HBS1L: variants seen among roughly 807,000 people sequenced by gnomAD.
HBS1L encodes HBS1-like protein.
Under a neutral mutation model 88.9 loss-of-function variants are expected in HBS1L, and 55 were observed. The observed-to-expected ratio is 0.62, with a 90% CI of 0.50 to 0.77. HBS1L has a LOEUF of 0.77. Among genes scored for constraint, HBS1L ranks in the 30% least tolerant of loss-of-function variants. The probability of loss-of-function intolerance (pLI) is 0.00; values close to 1 mark genes in which losing one functional copy is unlikely to be tolerated. For synonymous variants in HBS1L, 267 were observed against 288.5 expected (o/e 0.93, Z 0.76); for missense variants, 741 against 829.3 (o/e 0.89, Z 1.31).
At chr6:134,999,879 T>C (rs1363053907) in intron 5 of HBS1L, among the ~76,000 whole-genome samples, 1 of 152,180 alleles carries the variant, frequency 6.6e-6, no homozygotes, top group African/African-American at 2.4e-5. Flanking sequence ...TTCTGCATAT[T>C]ATGAAATAAA....
At position 135,054,706 on chromosome 6, in the gene HBS1L, C is replaced by G. The variant is rs1209735508; in HGVS notation, c.-15G>C. Reference sequence around the variant, plus strand: ...TGCCGGGCCATGACGGCGGAGAGGGCGTTTGCCACAGCCCCTTAACTCCTT... The same window carrying G: ...TGCCGGGCCATGACGGCGGAGAGGGGGTTTGCCACAGCCCCTTAACTCCTT... On this transcript the variant is annotated 5_prime_UTR_variant, in exon 1 of 18. Transcript: ENST00000367837. The G allele has an allele frequency of 6.2e-7, 1 of 1,614,044 alleles. No homozygotes were observed. Among genetic ancestry groups the G allele is most frequent in the Non-Finnish European group, 8.5e-7 (1 of 1,180,030 alleles).
chr6:135,011,792 G>C (rs969221999), intron 4 of HBS1L, among the ~76,000 whole-genome samples: 2 of 151,640 alleles, frequency 1.3e-5, no homozygotes, highest in Admixed American at 6.6e-5. Context: ...TGTAATCTCA[G>C]CTACTCGGGA....
At chr6:135,053,646 C>A (rs1166640835) in intron 1 of HBS1L, among the ~76,000 whole-genome samples, 1 of 152,122 alleles carries the variant, frequency 6.6e-6, no homozygotes, top group African/African-American at 2.4e-5. Flanking sequence ...TGTTAGCTGC[C>A]CTCACTCTAG....
intron 4 of HBS1L, among the ~76,000 whole-genome samples, chr6:135,015,613 G>A (rs143622758): frequency 0.011 from 1,621 of 152,286 alleles, 24 homozygotes; most frequent in African/African-American, 0.037. Flanking sequence ...ACAGAGTCTC[G>A]TTCTGTTGCC....
intron 13 of HBS1L, among the ~76,000 whole-genome samples, chr6:134,981,779 AT>A (rs1030123023): frequency 5.9e-5 from 9 of 152,060 alleles, no homozygotes; most frequent in African/African-American, 1.9e-4. Context: ...AATCTGGAAA[AT>A]AATATACATG....
At chr6:135,013,964 C>A (rs143089916) in intron 4 of HBS1L, among the ~76,000 whole-genome samples, 4 of 152,104 alleles carry the variant, frequency 2.6e-5, no homozygotes, top group African/African-American at 9.6e-5. Context: ...TATGCAAATA[C>A]GATGACATTT....
At chr6:135,044,510 G>A (rs1214380281) in intron 2 of HBS1L, among the ~76,000 whole-genome samples, 1 of 152,180 alleles carries the variant, frequency 6.6e-6, no homozygotes, top group Admixed American at 6.5e-5. Flanking sequence ...AATTCTCTAA[G>A]AGGACAACTT....
In HBS1L at chr6:135,002,721, C is replaced by A; in HGVS notation, c.539+13G>T. 1 of 1,549,060 alleles carries A rather than the reference C, an allele frequency of 6.5e-7. No homozygotes were observed. Among genetic ancestry groups the A allele is most frequent in the Non-Finnish European group, 8.9e-7 (1 of 1,121,302 alleles). ...GGTGGGGGTGGGGATGAGGGAGGTA[C>A]TCAAAGTCTTACCCAGGCACTTCAA... On this transcript the variant is annotated intron_variant, in intron 5 of 17. Transcript: ENST00000367837.
intron 13 of HBS1L, among the ~76,000 whole-genome samples, chr6:134,979,627 A>G (rs956053251): frequency 1.3e-5 from 2 of 152,114 alleles, no homozygotes; most frequent in Admixed American, 6.6e-5. Context: ...ACACAGTTCA[A>G]ATTATTCATA....
chr6:135,013,501 A>G (rs1026097992), intron 4 of HBS1L, among the ~76,000 whole-genome samples: 3 of 152,236 alleles, frequency 2.0e-5, no homozygotes, highest in African/African-American at 7.2e-5. Context: ...CATGTCTAAT[A>G]TTTCACTTGA....
At chr6:135,031,146 G>C (rs1444473013) in intron 4 of HBS1L, among the ~76,000 whole-genome samples, 2 of 152,070 alleles carry the variant, frequency 1.3e-5, no homozygotes, top group Admixed American at 6.5e-5. Context: ...ACAAATAAAA[G>C]ATATTAGATA....
At chr6:135,036,531 A>G in intron 4 of HBS1L, 1 of 1,439,674 alleles carries the variant, frequency 6.9e-7, no homozygotes, top group Non-Finnish European at 9.1e-7. Context: ...AAAGCTCTAC[A>G]ACAGCAATCA....
At chr6:135,042,235 A>G (rs1366634457) in intron 2 of HBS1L, 109 bp from the exon 3 acceptor site, 2 of 952,604 alleles carry the variant, frequency 2.1e-6, no homozygotes, top group African/African-American at 3.3e-5. Context: ...ACCTATAGTT[A>G]CCCATATTTC....
Position 134,996,813 on chromosome 6 carries a change from G to A in HBS1L, c.929C>T (p.Ala310Val). 1 of 1,610,558 alleles carries A rather than the reference G, an allele frequency of 6.2e-7. No individual in the cohort carries two copies. The highest frequency in any genetic ancestry group is 8.5e-7 in the Non-Finnish European group (1 of 1,178,710). ...TTCGCCAGTTTCATCCAAGACCCAT[G>A]CATATGCAAACGAAGCTTTGCCAGC... ...KKAGKASFAY[A>V]WVLDETGEER... The change falls in exon 7 of 18, where the codon GCA becomes GTA. Residue 310 changes from alanine (A) to valine (V), a missense_variant. By Grantham distance (64) the Ala-to-Val change is moderately conservative (BLOSUM62 0). Around this residue, in one of 3 missense-constraint regions of HBS1L, gnomAD observed 556 missense variants for 598.4 expected, o/e 0.93. Coordinates refer to ENST00000367837, the MANE Select transcript of HBS1L (RefSeq NM_006620.4).
intron 8 of HBS1L, among the ~76,000 whole-genome samples, chr6:134,989,615 C>T (rs1480165082): frequency 6.6e-6 from 1 of 152,168 alleles, no homozygotes; most frequent in East Asian, 1.9e-4. Flanking sequence ...GTCTCAGATA[C>T]TTTCTTACAA....
At chr6:135,053,912 T>C (rs1361442611) in intron 1 of HBS1L, among the ~76,000 whole-genome samples, 1 of 152,228 alleles carries the variant, frequency 6.6e-6, no homozygotes, top group Non-Finnish European at 1.5e-5. Context: ...ATACAGACAT[T>C]TTTATTTCAT....
chr6:135,019,252 C>T (rs150714082), intron 4 of HBS1L, among the ~76,000 whole-genome samples: 257 of 151,962 alleles, frequency 1.7e-3, no homozygotes, highest in Middle Eastern at 6.8e-3. Context: ...AGTACCAGTG[C>T]TCTTCTAAAT....
chr6:134,987,820 A>G (rs1188650274), intron 8 of HBS1L, 29 bp from the exon 9 acceptor site: 1 of 1,544,878 alleles, frequency 6.5e-7, no homozygotes, highest in Non-Finnish European at 8.7e-7. Flanking sequence ...CGAAGCCAGA[A>G]ATAATGTTTC....
intron 4 of HBS1L, among the ~76,000 whole-genome samples, chr6:135,027,453 C>T (rs2114871579): frequency 6.6e-6 from 1 of 151,954 alleles, no homozygotes; most frequent in South Asian, 2.1e-4. Context: ...GGCTTAAAAA[C>T]GAAATGAAAA....
Sources: gnomAD v4.1 joint callset for allele counts (sites outside exome capture counted in the v4.1 genomes callset) on GRCh38, gnomAD v4.1.1 for gene constraint, gnomAD v4.1.1 regional missense constraint, MANE v1.5 for transcripts, NCBI Gene and HGNC (gene_info 2026-07-23, HGNC 2026-07-21) for gene names.